The following C12orf42 variants were observed in gnomAD, a reference collection of about 807,000 sequenced individuals.
The protein encoded by C12orf42 is chromosome 12 open reading frame 42, also known as uncharacterized protein C12orf42.
C12orf42 carries 25 observed loss-of-function variants against 21.6 expected under a neutral mutation model. The ratio of observed to expected loss-of-function variants is 1.16; its 90% confidence interval spans 0.84 to 1.62. The LOEUF (loss-of-function observed/expected upper bound fraction) is 1.62, where lower values mean the gene tolerates loss of function less well. Among genes scored for constraint, C12orf42 ranks in the 40% most tolerant of loss-of-function variants. C12orf42 has a pLI of 0.00. For missense variants in C12orf42, 483 were observed against 459.3 expected, an observed-to-expected ratio of 1.05 and a Z score of -0.47; for synonymous variants, 174 against 175.0, an observed-to-expected ratio of 0.99 and a Z score of 0.05.
chr12:103,459,465 C>A (rs1038896557), intron 2 of C12orf42, among the ~76,000 whole-genome samples: 1 of 152,070 alleles, frequency 6.6e-6, no homozygotes, highest in African/African-American at 2.4e-5. Context: ...GGCACCTCCC[C>A]CTGCTCTTGC....
At chr12:103,497,868 A>G (rs1309194256), upstream of C12orf42, among the ~76,000 whole-genome samples, 4 of 152,064 alleles carry the variant, frequency 2.6e-5, no homozygotes, top group Non-Finnish European at 5.9e-5. Flanking sequence ...CGTCTCTACT[A>G]AAACAAAATA....
At chr12:103,073,603 T>C in the C12orf42 span, among the ~76,000 whole-genome samples, 1 of 152,204 alleles carries the variant, frequency 6.6e-6, no homozygotes, top group African/African-American at 2.4e-5. Flanking sequence ...GATATTATTC[T>C]TGGTCACGGT....
intron 2 of C12orf42, among the ~76,000 whole-genome samples, chr12:103,470,250 T>C (rs2137853827): frequency 6.6e-6 from 1 of 152,352 alleles, no homozygotes; most frequent in Non-Finnish European, 1.5e-5. Context: ...CCGAGGCTGG[T>C]GGTCCTGACA....
the C12orf42 span, among the ~76,000 whole-genome samples, chr12:103,547,597 A>C: frequency 1.3e-5 from 2 of 151,088 alleles, no homozygotes; most frequent in African/African-American, 5.0e-5. Context: ...AGTAGTTTAT[A>C]AGCTAGACAG....
the C12orf42 span, among the ~76,000 whole-genome samples, chr12:103,539,151 T>C: frequency 4.6e-5 from 7 of 152,220 alleles, no homozygotes; most frequent in Non-Finnish European, 8.8e-5. Flanking sequence ...TTAGTTCATT[T>C]AATGTTTACC....
At chr12:103,431,533 T>C (rs142710943) in intron 2 of C12orf42, among the ~76,000 whole-genome samples, 1 of 152,354 alleles carries the variant, frequency 6.6e-6, no homozygotes, top group Non-Finnish European at 1.5e-5. Context: ...CTTTGGCCTC[T>C]TGAGTTCCTC....
the C12orf42 span, chr12:103,081,178 C>A: frequency 6.6e-5 from 10 of 152,324 alleles, no homozygotes; most frequent in African/African-American, 2.2e-4. Flanking sequence ...CACCATCTTC[C>A]TTAGGCTATA....
At chr12:103,321,516 T>C (rs1221845338) in intron 4 of C12orf42, among the ~76,000 whole-genome samples, 2 of 146,736 alleles carry the variant, frequency 1.4e-5, no homozygotes, top group African/African-American at 5.0e-5. Context: ...CATTACTGGG[T>C]ATATACCCAA....
chr12:103,145,021 C>T, the C12orf42 span, among the ~76,000 whole-genome samples: 7 of 152,238 alleles, frequency 4.6e-5, no homozygotes, highest in Middle Eastern at 3.4e-3. Flanking sequence ...TATATTGGGG[C>T]TGTCCTGTCT....
chr12:103,180,135 A>AT, the C12orf42 span, among the ~76,000 whole-genome samples: 3 of 151,890 alleles, frequency 2.0e-5, no homozygotes, highest in Non-Finnish European at 4.4e-5. Context: ...ATTTCCCTCA[A>AT]TAAAAAAAAA....
At chr12:103,112,575 C>A in the C12orf42 span, among the ~76,000 whole-genome samples, 1 of 152,118 alleles carries the variant, frequency 6.6e-6, no homozygotes, top group African/African-American at 2.4e-5. Flanking sequence ...GCATGAGAAT[C>A]GCTTGAACCC....
At chr12:103,190,193 C>A in the C12orf42 span, among the ~76,000 whole-genome samples, 4 of 152,254 alleles carry the variant, frequency 2.6e-5, no homozygotes, top group African/African-American at 2.4e-5. Context: ...CTCTGGGCAA[C>A]CCCTGGAGTC....
At chr12:103,118,655 A>G in the C12orf42 span, among the ~76,000 whole-genome samples, 5 of 151,694 alleles carry the variant, frequency 3.3e-5, no homozygotes, top group South Asian at 2.1e-4. Flanking sequence ...AAGATTAGCC[A>G]GGCGTGGTGG....
At chr12:103,294,620 G>GAAAGAA (rs2037115455) in intron 4 of C12orf42, among the ~76,000 whole-genome samples, 2 of 138,990 alleles carry the variant, frequency 1.4e-5, no homozygotes, top group South Asian at 4.6e-4. Context: ...AAGAAAGAAA[G>GAAAGAA]AAAGAAAGAA....
chr12:103,427,220 A>G (rs944612002), intron 2 of C12orf42, among the ~76,000 whole-genome samples: 5 of 151,788 alleles, frequency 3.3e-5, no homozygotes, highest in Non-Finnish European at 7.4e-5. Context: ...CCCATCTCAC[A>G]TGCAAAGACA....
Position 103,388,172 on chromosome 12 carries a change from G to C in C12orf42, c.147+13435C>G, listed in dbSNP as rs564603742. On this transcript the variant is annotated intron_variant, in intron 3 of 5. Coordinates refer to ENST00000548883, the MANE Select transcript of C12orf42 (RefSeq NM_198521.5). Reference sequence around the variant, plus strand: ...AAATTTTTCCTTGGTGCCAGAGAAGGGGGGGTGATAACTCTGAGTGCCATC... The same window carrying C: ...AAATTTTTCCTTGGTGCCAGAGAAGCGGGGGTGATAACTCTGAGTGCCATC... Among the ~76,000 whole-genome samples, 132 of 152,318 alleles carry C rather than the reference G, an allele frequency of 8.7e-4. No homozygotes were observed. The Middle Eastern group carries it at 0.014, about 16-fold the overall frequency.
chr12:103,456,659 G>A (rs1565859719), intron 2 of C12orf42, among the ~76,000 whole-genome samples: 1 of 152,114 alleles, frequency 6.6e-6, no homozygotes, highest in South Asian at 2.1e-4. Flanking sequence ...TATTTCCACT[G>A]ATGTCTGCCT....
At chr12:103,113,387 G>A in the C12orf42 span, among the ~76,000 whole-genome samples, 1 of 152,116 alleles carries the variant, frequency 6.6e-6, no homozygotes, top group Non-Finnish European at 1.5e-5. Context: ...AGGTGTTTGG[G>A]GGCTGAGGCT....
the C12orf42 span, among the ~76,000 whole-genome samples, chr12:103,063,729 C>A: frequency 2.0e-5 from 3 of 152,198 alleles, no homozygotes; most frequent in East Asian, 5.8e-4. Flanking sequence ...CCAGCAGGCC[C>A]CTAGTGGTGA....
Sources: gnomAD v4.1 joint callset for allele counts (sites outside exome capture counted in the v4.1 genomes callset) on GRCh38, gnomAD v4.1.1 for gene constraint, MANE v1.5 for transcripts, NCBI Gene and HGNC (gene_info 2026-07-23, HGNC 2026-07-21) for gene names.